The following STK38 variants were observed in gnomAD, a reference collection of about 807,000 sequenced individuals.
STK38 encodes serine/threonine kinase 38.
Under a neutral mutation model 59.0 loss-of-function variants are expected in STK38, and 26 were observed. The observed-to-expected ratio is 0.44, with a 90% CI of 0.32 to 0.61. The LOEUF (loss-of-function observed/expected upper bound fraction) is 0.61. STK38 is among the 20% of genes least tolerant of loss of function. STK38 has a pLI of 0.04. For missense variants in STK38, 433 were observed against 566.0 expected, an observed-to-expected ratio of 0.76 and a Z score of 2.38; for synonymous variants, 175 against 176.6, an observed-to-expected ratio of 0.99 and a Z score of 0.07.
At chr6:36,503,228 G>GT (rs1161043821) in intron 9 of STK38, among the ~76,000 whole-genome samples, 1 of 151,648 alleles carries the variant, frequency 6.6e-6, no homozygotes, top group Non-Finnish European at 1.5e-5. Context: ...TATATAGAAG[G>GT]TTTTTTTTCC....
At chr6:36,518,287 T>C (rs1777301525) in intron 5 of STK38, among the ~76,000 whole-genome samples, 1 of 152,222 alleles carries the variant, frequency 6.6e-6, no homozygotes. Context: ...TAGAATGCTA[T>C]GATACCACAG....
rs1472078297 is a variant in STK38, at chr6:36,497,853, T to C, written c.1099A>G (p.Arg367Gly). Residue 367 changes from arginine to glycine, a missense_variant, in exon 12 of 14, where the codon AGA becomes GGA. Around this residue, in one of 3 missense-constraint regions of STK38, gnomAD observed 136 missense variants for 156.7 expected, o/e 0.87. Coordinates refer to ENST00000229812, the MANE Select transcript of STK38 (RefSeq NM_007271.4). ...TCCTCAACTCCAGGAGCTCCAATTC[T>C]ATGTTCCCATTCACAGCAGAACCTG... Reference protein sequence around the residue: ...ILRFCCEWEHRIGAPGVEEIK... With the variant: ...ILRFCCEWEHGIGAPGVEEIK... The C allele has an allele frequency of 1.9e-6, 3 of 1,613,352 alleles. No individual in the cohort carries two copies. Among genetic ancestry groups the C allele is most frequent in the South Asian group, 1.1e-5 (1 of 91,010 alleles).
chr6:36,512,270 T>G (rs991802746), intron 7 of STK38, among the ~76,000 whole-genome samples: 10 of 152,178 alleles, frequency 6.6e-5, no homozygotes, highest in African/African-American at 2.4e-4. Flanking sequence ...TTGCTACAAG[T>G]GTGAGCTAGC....
chr6:36,502,722 C>T (rs1238616408), intron 9 of STK38, among the ~76,000 whole-genome samples: 2 of 152,182 alleles, frequency 1.3e-5, no homozygotes, highest in African/African-American at 2.4e-5. Context: ...TAAACATGTA[C>T]TCCTCCTCGT....
chr6:36,538,569 G>T (rs1303734839), intron 2 of STK38, among the ~76,000 whole-genome samples: 1 of 152,066 alleles, frequency 6.6e-6, no homozygotes, highest in East Asian at 1.9e-4. Flanking sequence ...GAAATATTCA[G>T]AAGTATACTG....
At chr6:36,545,969 C>A (rs1359018641) in intron 1 of STK38, among the ~76,000 whole-genome samples, 4 of 152,196 alleles carry the variant, frequency 2.6e-5, no homozygotes, top group Non-Finnish European at 5.9e-5. Flanking sequence ...TCTGTGATCA[C>A]TATAAACAAC....
At chr6:36,525,998 G>T (rs668606) in intron 2 of STK38, among the ~76,000 whole-genome samples, 2 of 152,014 alleles carry the variant, frequency 1.3e-5, no homozygotes, top group Non-Finnish European at 2.9e-5. Flanking sequence ...CTACAGGCGC[G>T]TGCCACCATA....
At position 36,517,804 on chromosome 6, in the gene STK38, C is replaced by T. The variant is rs375157476; in HGVS notation, c.427G>A (p.Glu143Lys). 2 of 1,614,048 alleles carry T rather than the reference C, an allele frequency of 1.2e-6. No homozygotes were observed. Among genetic ancestry groups the T allele is most frequent in the African/African-American group, 2.7e-5 (2 of 74,946 alleles). ...HIRAERDILV[E>K]ADSLWVVKMF... ...TTCACAACCCACAAACTGTCTGCCT[C>T]CACTAGAATGTCACGCTCCGCACGA... Residue 143 changes from glutamate (E) to lysine (K), a missense_variant, in exon 6 of 14, where the codon GAG becomes AAG. Glu to Lys is a moderately conservative substitution (Grantham distance 56). Coordinates refer to ENST00000229812, the MANE Select transcript of STK38 (RefSeq NM_007271.4).
chr6:36,514,211 G>A (rs1179768799), intron 7 of STK38, among the ~76,000 whole-genome samples: 9 of 149,894 alleles, frequency 6.0e-5, no homozygotes, highest in Non-Finnish European at 1.3e-4. Context: ...AACTACTCAG[G>A]AGGCTGAGGC....
chr6:36,521,146 T>C (rs918944879), intron 5 of STK38, among the ~76,000 whole-genome samples: 1 of 152,234 alleles, frequency 6.6e-6, no homozygotes, highest in South Asian at 2.1e-4. Flanking sequence ...AACCAGGTTT[T>C]GGTTTTAGAA....
At chr6:36,525,329 TA>T (rs200674355) in intron 3 of STK38, among the ~76,000 whole-genome samples, 1 of 151,468 alleles carries the variant, frequency 6.6e-6, no homozygotes, top group Admixed American at 6.6e-5. Context: ...TTTTAAAATT[TA>T]ATTTGATTTC....
Position 36,509,696 on chromosome 6 carries a change from G to A in STK38, c.670-2094C>T, listed in dbSNP as rs531153905. Among the ~76,000 whole-genome samples the A allele has an allele frequency of 5.0e-4, 76 of 152,166 alleles. No individual in the cohort carries two copies. In the East Asian group the frequency reaches 0.014, roughly 28 times the overall value. On this transcript the variant is annotated intron_variant, in intron 7 of 13. Coordinates refer to ENST00000229812, the MANE Select transcript of STK38 (RefSeq NM_007271.4). ...TTAAATCTGTACTAAATAGTTGCCC[G>A]CAGCACCAGCTTGTCAGGGCCGAGG...
intron 6 of STK38, among the ~76,000 whole-genome samples, chr6:36,515,990 CACAA>C (rs570787622): frequency 1.2e-3 from 190 of 152,282 alleles, no homozygotes; most frequent in Non-Finnish European, 2.4e-3. Flanking sequence ...ATTCACAGAA[CACAA>C]ACAAATAAAA....
At chr6:36,500,091 C>A (rs1776801499) in intron 9 of STK38, 101 bp from the exon 10 acceptor site, 1 of 877,224 alleles carries the variant, frequency 1.1e-6, no homozygotes, top group Admixed American at 1.8e-5. Context: ...GAAGCTACCC[C>A]CAAGCTAAAT....
Position 36,496,739 on chromosome 6 carries a change from A to G in STK38, c.1239T>C (p.Phe413=). 9 of 1,613,560 alleles carry G rather than the reference A, an allele frequency of 5.6e-6. No homozygotes were observed. The highest frequency in any genetic ancestry group is 7.6e-6 in the Non-Finnish European group (9 of 1,179,782). The change falls in exon 13 of 14, where the codon TTT becomes TTC. Residue 413 remains phenylalanine (F), a synonymous_variant. Coordinates refer to ENST00000229812, the MANE Select transcript of STK38 (RefSeq NM_007271.4). The part of the protein sequence containing the change: ...SIDDTSNFDE[F]PESDILKPTV... Reference sequence around the variant, plus strand: ...TTGGCTTAAGAATATCAGATTCTGGAAACTCATCGAAGTTTGAGGTATCAT... The same window carrying G: ...TTGGCTTAAGAATATCAGATTCTGGGAACTCATCGAAGTTTGAGGTATCAT...
chr6:36,514,645 C>G (rs1191147833), intron 7 of STK38, among the ~76,000 whole-genome samples: 6 of 152,204 alleles, frequency 3.9e-5, no homozygotes, highest in Middle Eastern at 3.4e-3. Flanking sequence ...AACTAGGCAA[C>G]TACGCTTATC....
intron 2 of STK38, among the ~76,000 whole-genome samples, chr6:36,538,986 A>T (rs1303742810): frequency 6.6e-6 from 1 of 152,028 alleles, no homozygotes; most frequent in Non-Finnish European, 1.5e-5. Context: ...ATAATAAATA[A>T]CCATTATAGA....
At chr6:36,533,065 C>CAA (rs751360605) in intron 2 of STK38, among the ~76,000 whole-genome samples, 11 of 50,306 alleles carry the variant, frequency 2.2e-4, no homozygotes, top group African/African-American at 2.8e-4. Context: ...GACTCCATCT[C>CAA]AAAAAAAAAA....
At chr6:36,524,168 G>A (rs896518799) in intron 4 of STK38, among the ~76,000 whole-genome samples, 173 bp downstream of exon 4, 6 of 152,138 alleles carry the variant, frequency 3.9e-5, no homozygotes, top group Non-Finnish European at 5.9e-5. Flanking sequence ...CTGGGACTGC[G>A]GAGAGAAGAA....
Sources: gnomAD v4.1 joint callset for allele counts (sites outside exome capture counted in the v4.1 genomes callset) on GRCh38, gnomAD v4.1.1 for gene constraint, gnomAD v4.1.1 regional missense constraint, MANE v1.5 for transcripts, NCBI Gene and HGNC (gene_info 2026-07-23, HGNC 2026-07-21) for gene names.